Variants in ST3GAL5 observed in about 807,000 individuals in gnomAD.
ST3GAL5 encodes the protein lactosylceramide alpha-2,3-sialyltransferase.
A neutral mutation model predicts 46.1 loss-of-function variants in ST3GAL5; 25 were observed. That is an observed-to-expected ratio of 0.54 (90% confidence interval 0.40 to 0.76). The LOEUF (loss-of-function observed/expected upper bound fraction) is 0.76, where lower values mean the gene tolerates loss of function less well. Ranked by LOEUF, ST3GAL5 falls within the 30% of genes least tolerant of loss-of-function variation. ST3GAL5 has a pLI of 0.00. For missense variants in ST3GAL5, 431 were observed against 521.2 expected (o/e 0.83, Z 1.69); for synonymous variants, 182 against 192.7 (o/e 0.94, Z 0.46).
chr2:85,837,544 A>C lies in ST3GAL5; in HGVS notation c.*2600T>G, dbSNP rs1053143514. 9 of 152,238 alleles carry C rather than the reference A, an allele frequency of 5.9e-5. No individual in the cohort carries two copies. The highest frequency in any genetic ancestry group is 1.3e-4 in the Admixed American group (2 of 15,284). 9.4% of individuals were successfully genotyped at this position (152,238 alleles called of 1,614,324 possible). A position where few individuals can be genotyped will look rare whatever the true frequency, so the allele number is the denominator to read the frequency against. On this transcript the variant is annotated 3_prime_UTR_variant, in exon 7 of 7. Coordinates refer to ENST00000638572, the MANE Select transcript of ST3GAL5 (RefSeq NM_003896.4). ...CAGTAGAATGCCTATAGTTTACAAT[A>C]ATTTACTGTGTATTTCAAAATCACT...
At chr2:85,870,992 T>C (rs1685860889) in intron 1 of ST3GAL5, among the ~76,000 whole-genome samples, 1 of 152,050 alleles carries the variant, frequency 6.6e-6, no homozygotes, top group African/African-American at 2.4e-5. Flanking sequence ...CAATTTACAA[T>C]GATCAAATCA....
At chr2:85,843,520 T>C (rs1682401378) in intron 6 of ST3GAL5, among the ~76,000 whole-genome samples, 1 of 152,248 alleles carries the variant, frequency 6.6e-6, no homozygotes, top group Non-Finnish European at 1.5e-5. Context: ...TTTGGCTATT[T>C]TAATTCTTCT....
At chr2:85,864,453 G>A (rs1685059857) in intron 1 of ST3GAL5, among the ~76,000 whole-genome samples, 1 of 151,926 alleles carries the variant, frequency 6.6e-6, no homozygotes, top group Admixed American at 6.6e-5. Flanking sequence ...ACTTTAAGCT[G>A]ATAACTTACT....
In ST3GAL5 at chr2:85,846,360, G is replaced by T. The variant is rs748775245; in HGVS notation, c.849+17C>A. 6 of 1,611,570 alleles carry T rather than the reference G, an allele frequency of 3.7e-6. No homozygotes were observed. The South Asian group carries it at 4.4e-5, about 12-fold the overall frequency. ...ACTTTTTACTAAGGCAGATTTAATA[G>T]AAGTATTAGTGCTTACCAGGGTTTC... On this transcript the variant is annotated intron_variant, in intron 5 of 6. Coordinates refer to ENST00000638572, the MANE Select transcript of ST3GAL5 (RefSeq NM_003896.4).
intron 3 of ST3GAL5, among the ~76,000 whole-genome samples, chr2:85,857,131 G>A (rs1050000318): frequency 1.4e-5 from 2 of 145,892 alleles, no homozygotes; most frequent in African/African-American, 5.1e-5. Context: ...TATAGTCCCA[G>A]CTACTCAGGA....
In ST3GAL5 at chr2:85,884,628, G is replaced by T. The variant is rs546690668; in HGVS notation, c.82+4196C>A. Among the ~76,000 whole-genome samples the T allele has an allele frequency of 3.3e-5, 5 of 152,248 alleles. No homozygotes were observed. In the East Asian group the frequency reaches 9.6e-4, roughly 29 times the overall value. Reference sequence around the variant, plus strand: ...CAAGCAAAGAGAGGAGAGTATCAGAGGCCATACTTGTCCTACTCTTTTCTG... The same window carrying T: ...CAAGCAAAGAGAGGAGAGTATCAGATGCCATACTTGTCCTACTCTTTTCTG... On this transcript the variant is annotated intron_variant, in intron 1 of 6. Transcript: ENST00000638572.
chr2:85,848,220 A>T lies in ST3GAL5; in HGVS notation c.319-16T>A. 6.2e-7 allele frequency: 1 copy of T among 1,613,962 alleles called. No homozygotes were observed. Reference sequence around the variant, plus strand: ...TCTGAGCTCTCTGGAATGAAATCACACCAATCTGGGTTTTAAAAACTCTCC... The same window carrying T: ...TCTGAGCTCTCTGGAATGAAATCACTCCAATCTGGGTTTTAAAAACTCTCC... On this transcript the variant is annotated splice_polypyrimidine_tract_variant and intron_variant, in intron 3 of 6. Coordinates refer to ENST00000638572, the MANE Select transcript of ST3GAL5 (RefSeq NM_003896.4).
At chr2:85,848,416 C>A (rs749029725) in intron 3 of ST3GAL5, 1 of 1,525,802 alleles carries the variant, frequency 6.6e-7, no homozygotes, top group South Asian at 1.2e-5. Context: ...ATAAACACAG[C>A]AGGGTATTCA....
chr2:85,851,686 G>A, intron 3 of ST3GAL5: 3 of 1,289,434 alleles, frequency 2.3e-6, no homozygotes, highest in Non-Finnish European at 3.0e-6. Context: ...CTCAAGGCGA[G>A]TGCCGCACCT....
chr2:85,881,971 T>C (rs542154120), intron 1 of ST3GAL5, among the ~76,000 whole-genome samples: 2 of 152,340 alleles, frequency 1.3e-5, no homozygotes, highest in South Asian at 2.1e-4. Flanking sequence ...AGTGGTTTCA[T>C]GGGCTAGGCC....
intron 1 of ST3GAL5, among the ~76,000 whole-genome samples, chr2:85,865,320 T>C (rs1247409386): frequency 6.6e-6 from 1 of 152,172 alleles, no homozygotes; most frequent in African/African-American, 2.4e-5. Context: ...ACCATCTTCT[T>C]TGAAAAAAAT....
rs1178876435 is a variant in ST3GAL5, at chr2:85,853,085, A to G, written c.319-4881T>C. On this transcript the variant is annotated intron_variant, in intron 3 of 6. Coordinates refer to ENST00000638572, the MANE Select transcript of ST3GAL5 (RefSeq NM_003896.4). The stretch of plus-strand genomic sequence containing the variant: ...TGCACGCAATGCCATCCGCAGGGAG[A>G]TAAGGTCTTTAGCTCTCAGAAAGGA... 4 of 1,304,044 alleles carry G rather than the reference A, an allele frequency of 3.1e-6. No individual in the cohort carries two copies. The Admixed American group carries it at 6.9e-5, about 22-fold the overall frequency. 80.8% of individuals were successfully genotyped at this position (1,304,044 alleles called of 1,614,324 possible). A position where few individuals can be genotyped will look rare whatever the true frequency, so the allele number is the denominator to read the frequency against.
intron 1 of ST3GAL5, among the ~76,000 whole-genome samples, chr2:85,884,421 T>C (rs1687529522): frequency 6.6e-6 from 1 of 152,200 alleles, no homozygotes; most frequent in Non-Finnish European, 1.5e-5. Flanking sequence ...TTTTGGGAAA[T>C]TGAAACTTTG....
At chr2:85,878,602 T>C (rs1303355215) in intron 1 of ST3GAL5, among the ~76,000 whole-genome samples, 1 of 152,254 alleles carries the variant, frequency 6.6e-6, no homozygotes, top group Non-Finnish European at 1.5e-5. Context: ...CTGGTCTGTA[T>C]GGTTGTCTAA....
At chr2:85,878,971 C>A (rs546921554) in intron 1 of ST3GAL5, among the ~76,000 whole-genome samples, 30 of 152,234 alleles carry the variant, frequency 2.0e-4, no homozygotes, top group African/African-American at 7.0e-4. Context: ...TGCCAAGACA[C>A]ACAGAGAGAG....
At chr2:85,886,977 C>A (rs943773824) in intron 1 of ST3GAL5, among the ~76,000 whole-genome samples, 1 of 152,170 alleles carries the variant, frequency 6.6e-6, no homozygotes, top group Non-Finnish European at 1.5e-5. Flanking sequence ...CGGATTAAAT[C>A]GCTCCTCAGG....
chr2:85,849,855 AGTGTGTGTGTGTGT>A (rs3046619), intron 3 of ST3GAL5: 1 of 147,248 alleles, frequency 6.8e-6, no homozygotes, highest in African/African-American at 2.5e-5. Flanking sequence ...CACAGGCAGA[AGTGTGTGTGTGTGT>A]GTGTGTGTGT....
At chr2:85,867,902 C>A (rs964894015) in intron 1 of ST3GAL5, 1 of 541,518 alleles carries the variant, frequency 1.8e-6, no homozygotes, top group Non-Finnish European at 3.4e-6. Context: ...GATTAGCATC[C>A]AAGATGGCAT....
intron 1 of ST3GAL5, among the ~76,000 whole-genome samples, chr2:85,882,362 T>G (rs1475134650): frequency 6.6e-6 from 1 of 152,148 alleles, no homozygotes; most frequent in Admixed American, 6.5e-5. Flanking sequence ...ACTGACAGCT[T>G]GTACCGTGTG....
Sources: allele counts gnomAD v4.1 joint callset (sites outside exome capture counted in the v4.1 genomes callset), GRCh38; gene constraint gnomAD v4.1.1; transcripts MANE v1.5; gene names NCBI Gene and HGNC (gene_info 2026-07-23, HGNC 2026-07-21).